The following VCL variants were observed in gnomAD, a reference collection of about 807,000 sequenced individuals.
VCL encodes the protein epididymis luminal protein 114.
VCL carries 47 observed loss-of-function variants against 125.7 expected under a neutral mutation model. That is an observed-to-expected ratio of 0.37 (90% CI 0.30 to 0.48). The LOEUF (loss-of-function observed/expected upper bound fraction) is 0.48. VCL is among the 20% of genes least tolerant of loss of function. VCL has a pLI of 0.99. For synonymous variants in VCL, 458 were observed against 514.6 expected, an observed-to-expected ratio of 0.89 and a Z score of 1.49; for missense variants, 1,069 against 1,455.5, an observed-to-expected ratio of 0.73 and a Z score of 4.32.
intron 6 of VCL, among the ~76,000 whole-genome samples, chr10:74,081,135 G>A (rs1258535223): frequency 6.7e-6 from 1 of 149,980 alleles, no homozygotes; most frequent in East Asian, 1.9e-4. Flanking sequence ...AATTTTTTTG[G>A]TAATTTAGTT....
intron 6 of VCL, chr10:74,075,927 C>T (rs1839578697): frequency 6.6e-6 from 1 of 152,602 alleles, no homozygotes; most frequent in Admixed American, 6.5e-5. Flanking sequence ...GACATTTTCT[C>T]ATTGATGTGA....
intron 1 of VCL, among the ~76,000 whole-genome samples, chr10:74,025,250 C>T (rs1194627187): frequency 6.6e-6 from 1 of 152,074 alleles, no homozygotes; most frequent in Non-Finnish European, 1.5e-5. Flanking sequence ...CTCCTGACCT[C>T]AGGTGATCCA....
chr10:74,082,311 G>A (rs1839689060), intron 6 of VCL, 143 bp from the exon 7 acceptor site: 3 of 768,626 alleles, frequency 3.9e-6, no homozygotes, highest in Admixed American at 4.0e-5. Flanking sequence ...GAATTGTGGT[G>A]TGGTGACAAT....
At position 74,114,272 on chromosome 10, in the gene VCL, G is replaced by GGGCAC. The variant is rs748708754; in HGVS notation, c.3039_3043dup (p.Leu1015ArgfsTer17). The GGGCAC allele has an allele frequency of 1.2e-6, 2 of 1,614,066 alleles. No homozygotes were observed. ...GTAAGAGGGGGCAGTGGTACCAAGC[G>GGGCAC]GGCACTCATTCAGTGTGCCAAGGAC... On this transcript the variant is annotated frameshift_variant, in exon 20 of 22. Transcript: ENST00000211998. LOFTEE classifies it high-confidence loss of function.
At chr10:74,107,808 T>A (rs974803696) in intron 17 of VCL, among the ~76,000 whole-genome samples, 1 of 152,164 alleles carries the variant, frequency 6.6e-6, no homozygotes, top group Non-Finnish European at 1.5e-5. Context: ...TACATGCTTT[T>A]AAAAAATTTT....
intron 8 of VCL, among the ~76,000 whole-genome samples, chr10:74,085,216 C>T (rs2131902649): frequency 6.6e-6 from 1 of 152,304 alleles, no homozygotes; most frequent in South Asian, 2.1e-4. Context: ...TACACAAATG[C>T]CTAATAGTAA....
chr10:74,053,532 A>T (rs931434854), intron 2 of VCL, among the ~76,000 whole-genome samples: 2 of 151,540 alleles, frequency 1.3e-5, no homozygotes, highest in Non-Finnish European at 2.9e-5. Context: ...TTCTTTTCTC[A>T]TATTTATTAT....
At chr10:74,116,502 T>C (rs554903774) in intron 21 of VCL, among the ~76,000 whole-genome samples, 2 of 152,262 alleles carry the variant, frequency 1.3e-5, no homozygotes, top group African/African-American at 2.4e-5. Flanking sequence ...ATATCTATTA[T>C]GTTCCATTAA....
intron 1 of VCL, among the ~76,000 whole-genome samples, chr10:74,036,690 G>A (rs1840985516): frequency 6.6e-6 from 1 of 151,252 alleles, no homozygotes; most frequent in Admixed American, 6.6e-5. Context: ...GGGCAATATA[G>A]CAAGACCCCA....
At chr10:74,024,611 C>CAAA (rs34086598) in intron 1 of VCL, among the ~76,000 whole-genome samples, 1 of 141,946 alleles carries the variant, frequency 7.0e-6, no homozygotes, top group Non-Finnish European at 1.5e-5. Context: ...CACTCCATCT[C>CAAA]AAAAAAAAAA....
intron 2 of VCL, among the ~76,000 whole-genome samples, chr10:74,061,969 C>T (rs527923488): frequency 2.0e-5 from 3 of 150,476 alleles, no homozygotes; most frequent in East Asian, 3.9e-4. Context: ...GCAATCACGG[C>T]CCACTGCAGC....
At chr10:74,110,354 A>G (rs186628486) in intron 18 of VCL, among the ~76,000 whole-genome samples, 1 of 152,348 alleles carries the variant, frequency 6.6e-6, no homozygotes, top group East Asian at 1.9e-4. Context: ...ATTGGCCCAC[A>G]TTACTTGCCC....
intron 2 of VCL, among the ~76,000 whole-genome samples, chr10:74,066,820 C>T (rs1003843725): frequency 6.6e-5 from 10 of 151,914 alleles, no homozygotes; most frequent in Admixed American, 4.6e-4. Context: ...TACAGGTGCC[C>T]GCCACCATGC....
At chr10:74,049,861 C>T (rs904725043) in intron 2 of VCL, among the ~76,000 whole-genome samples, 2 of 152,136 alleles carry the variant, frequency 1.3e-5, no homozygotes, top group African/African-American at 4.8e-5. Context: ...GTCAAACTGA[C>T]CAGATTTATT....
At chr10:74,094,173 G>C (rs1839930188) in intron 10 of VCL, 98 bp from the exon 11 acceptor site, 1 of 1,449,164 alleles carries the variant, frequency 6.9e-7, no homozygotes, top group African/African-American at 1.4e-5. Context: ...GTAATCAGGA[G>C]CAATTTGTCA....
chr10:74,042,431 C>T (rs1424260243), intron 1 of VCL, among the ~76,000 whole-genome samples: 1 of 152,140 alleles, frequency 6.6e-6, no homozygotes, highest in African/African-American at 2.4e-5. Context: ...TGTCCGCTAA[C>T]AAATTCTAGC....
chr10:74,010,983 A>C lies in VCL; in HGVS notation c.168+12608A>C, dbSNP rs368059248. On this transcript the variant is annotated intron_variant, in intron 1 of 21. Coordinates refer to ENST00000211998, the MANE Select transcript of VCL (RefSeq NM_014000.3). ...TCAGGAGTTCGAGACCAGCCTGGCC[A>C]ACATGGCGAAACCCCATCTCTACTA... Among the ~76,000 whole-genome samples the C allele has an allele frequency of 4.6e-5, 7 of 151,928 alleles. No individual in the cohort carries two copies. The East Asian group carries it at 7.8e-4, about 17-fold the overall frequency.
At position 74,118,218 on chromosome 10, in the gene VCL, A is replaced by G; in HGVS notation, c.*49A>G. ...ACAGAAACCTCTACTAAAAAGAAGGAAAATGATCTGAGTCCCAGGAGCTGC... is the reference window on the plus strand; with the variant it reads ...ACAGAAACCTCTACTAAAAAGAAGGGAAATGATCTGAGTCCCAGGAGCTGC... On this transcript the variant is annotated 3_prime_UTR_variant, in exon 22 of 22. Transcript: ENST00000211998. 6.2e-7 allele frequency: 1 copy of G among 1,612,340 alleles called. No homozygotes were observed. Among genetic ancestry groups the G allele is most frequent in the Non-Finnish European group, 8.5e-7 (1 of 1,179,310 alleles).
At chr10:74,008,314 G>A (rs528597333) in intron 1 of VCL, among the ~76,000 whole-genome samples, 3 of 152,164 alleles carry the variant, frequency 2.0e-5, no homozygotes, top group Non-Finnish European at 4.4e-5. Flanking sequence ...ACTGCCCATT[G>A]TTTGAGATAA....
Sources: allele counts gnomAD v4.1 joint callset (sites outside exome capture counted in the v4.1 genomes callset), GRCh38; gene constraint gnomAD v4.1.1; transcripts MANE v1.5; gene names NCBI Gene and HGNC (gene_info 2026-07-23, HGNC 2026-07-21).